The following NECAB2 variants were observed in gnomAD, a reference collection of about 807,000 sequenced individuals.
The protein encoded by NECAB2 is N-terminal EF-hand calcium binding protein 2, also known as N-terminal EF-hand calcium-binding protein 2.
In NECAB2, 68 loss-of-function variants were observed where a neutral mutation model predicts 51.9. The ratio of observed to expected loss-of-function variants is 1.31; its 90% CI spans 1.08 to 1.60. The LOEUF is 1.60. Among genes scored for constraint, NECAB2 ranks in the 40% most tolerant of loss-of-function variants. The pLI is 0.00. For synonymous variants in NECAB2, 329 were observed against 203.5 expected (o/e 1.62, Z -5.25); for missense variants, 854 against 490.3 (o/e 1.74, Z -7.00).
intron 5 of NECAB2, among the ~76,000 whole-genome samples, chr16:83,983,461 C>G (rs942622553): frequency 6.6e-6 from 1 of 152,122 alleles, no homozygotes; most frequent in Non-Finnish European, 1.5e-5. Flanking sequence ...ATATTAATAC[C>G]AGCTCTTATT....
At chr16:83,996,691 GATC>G (rs1465915627) in intron 8 of NECAB2, among the ~76,000 whole-genome samples, 2 of 152,104 alleles carry the variant, frequency 1.3e-5, no homozygotes, top group African/African-American at 4.8e-5. Context: ...AGTGACTGTT[GATC>G]TTCTGTGGGG....
intron 12 of NECAB2, 22 bp from the exon 13 acceptor site, chr16:84,002,296 T>C (rs775930507): frequency 1.9e-6 from 3 of 1,613,526 alleles, no homozygotes; most frequent in African/African-American, 2.7e-5. Context: ...TCCTTCCCTC[T>C]AACGTGTCTC....
intron 1 of NECAB2, among the ~76,000 whole-genome samples, chr16:83,969,293 C>G (rs1219920843): frequency 2.0e-5 from 3 of 152,124 alleles, no homozygotes; most frequent in Non-Finnish European, 4.4e-5. Context: ...CTACCTCTAG[C>G]CCACCTCTCT....
chr16:83,976,700 A>ATGT (rs10641793), intron 2 of NECAB2, among the ~76,000 whole-genome samples: 45,076 of 152,030 alleles, frequency 0.3, 11,808 homozygotes, highest in African/African-American at 0.72. Context: ...CTGAGCTGCG[A>ATGT]TGGGGGCATC....
Position 83,980,073 on chromosome 16 carries a change from G to A in NECAB2, c.336-766G>A, listed in dbSNP as rs115821945. Among the ~76,000 whole-genome samples, 1,151 of 152,318 alleles carry A rather than the reference G, an allele frequency of 7.6e-3. 13 individuals are homozygous for A. The highest frequency in any genetic ancestry group is 0.027 in the African/African-American group (1,120 of 41,572). On this transcript the variant is annotated intron_variant, in intron 3 of 12. Coordinates refer to ENST00000305202, the MANE Select transcript of NECAB2 (RefSeq NM_019065.3). ...GGCCACAGAAGCCTTCTGTCCAGAT[G>A]TGCTTTGCTGAGCCTGGGCTCCACT...
At chr16:84,001,715 G>A (rs34647179) in intron 11 of NECAB2, 110 bp from the exon 12 acceptor site, 117,476 of 1,159,812 alleles carry the variant, frequency 0.1, 14,676 homozygotes, top group African/African-American at 0.6. Flanking sequence ...AAGACCCCCC[G>A]TGCTTATTGA....
intron 2 of NECAB2, among the ~76,000 whole-genome samples, chr16:83,976,674 A>T (rs1444453219): frequency 1.3e-5 from 2 of 149,186 alleles, no homozygotes; most frequent in Admixed American, 1.3e-4. Flanking sequence ...AATTCTTCCC[A>T]CTGTAACCTT....
At chr16:83,996,096 C>A (rs950944963) in intron 8 of NECAB2, among the ~76,000 whole-genome samples, 1 of 152,238 alleles carries the variant, frequency 6.6e-6, no homozygotes, top group African/African-American at 2.4e-5. Flanking sequence ...CGCCCTTCAC[C>A]GGCCAACCGG....
intron 10 of NECAB2, among the ~76,000 whole-genome samples, chr16:83,998,614 C>G (rs975614101): frequency 2.0e-5 from 3 of 152,178 alleles, no homozygotes; most frequent in Non-Finnish European, 2.9e-5. Context: ...GTGTGAATCT[C>G]AAGTGTGAAG....
At chr16:84,001,777 G>A in intron 11 of NECAB2, 48 bp from the exon 12 acceptor site, 1 of 1,598,122 alleles carries the variant, frequency 6.3e-7, no homozygotes, top group Non-Finnish European at 8.6e-7. Context: ...GCCACACGCG[G>A]AGCTCCACTC....
rs148789575 is a variant in NECAB2, at chr16:84,000,734, G to C, written c.973G>C (p.Val325Leu). The change falls in exon 11 of 13, where the codon GTG (valine) becomes CTG (leucine). Residue 325 changes from valine (V) to leucine (L), a missense_variant. Coordinates refer to ENST00000305202, the MANE Select transcript of NECAB2 (RefSeq NM_019065.3). ...CATCTCCTGTTGCAGCATCACTGCC[G>C]TGAGGCTCTCAGATGGCTTCACCTT... ...GVRNCFHITA[V>L]RLSDGFTFVI... The C allele has an allele frequency of 5.6e-6, 9 of 1,613,718 alleles. No homozygotes were observed. In the African/African-American group the frequency reaches 6.7e-5, roughly 12 times the overall value.
chr16:83,996,986 G>A (rs145048574), intron 8 of NECAB2, among the ~76,000 whole-genome samples: 2,405 of 150,712 alleles, frequency 0.016, 28 homozygotes, highest in South Asian at 0.038. Context: ...TCAGGCCTCT[G>A]GAGTCCCCCT....
rs376260533 is a variant in NECAB2, at chr16:83,994,329, C to A, written c.624C>A (p.Ser208Arg). ...LRQNHIKPSH[S>R]AAQTWCGSPT... Reference sequence around the variant, plus strand: ...AGAACCACATCAAACCCAGCCACAGCGCGGCACAGACCTGGTGTGGAAGCC... The same window carrying A: ...AGAACCACATCAAACCCAGCCACAGAGCGGCACAGACCTGGTGTGGAAGCC... Residue 208 changes from serine (S) to arginine (R), a missense_variant, in exon 7 of 13, where the codon AGC becomes AGA. By Grantham distance (110) the Ser-to-Arg change is moderately radical. Coordinates refer to ENST00000305202, the MANE Select transcript of NECAB2 (RefSeq NM_019065.3). The A allele has an allele frequency of 1.9e-6, 3 of 1,614,218 alleles. No homozygotes were observed. The highest frequency in any genetic ancestry group is 1.1e-5 in the South Asian group (1 of 91,090).
intron 3 of NECAB2, 101 bp from the exon 4 acceptor site, chr16:83,980,738 G>A (rs2084476352): frequency 1.2e-5 from 17 of 1,454,512 alleles, no homozygotes; most frequent in East Asian, 2.5e-5. Context: ...CACACAGGCT[G>A]CAAAGAGCAG....
chr16:84,002,248 A>G, intron 12 of NECAB2, 70 bp from the exon 13 acceptor site: 1 of 1,565,810 alleles, frequency 6.4e-7, no homozygotes. Context: ...GTCATTCAAG[A>G]CGACCACCAC....
At chr16:83,978,908 G>A (rs941872818) in intron 3 of NECAB2, among the ~76,000 whole-genome samples, 6 of 152,038 alleles carry the variant, frequency 3.9e-5, no homozygotes, top group Admixed American at 1.3e-4. Context: ...ATGCCTGTGT[G>A]TCCTCCCAGT....
At chr16:83,982,258 C>T (rs13334678) in intron 5 of NECAB2, among the ~76,000 whole-genome samples, 1 of 152,110 alleles carries the variant, frequency 6.6e-6, no homozygotes, top group Non-Finnish European at 1.5e-5. Flanking sequence ...ATATATCTAA[C>T]AATAGTTGGG....
chr16:83,995,918 G>C (rs1317816182), intron 8 of NECAB2, among the ~76,000 whole-genome samples: 1 of 152,230 alleles, frequency 6.6e-6, no homozygotes, highest in Non-Finnish European at 1.5e-5. Context: ...CCTCGGGAGG[G>C]AGACTCTGAA....
chr16:83,974,617 C>T (rs1006322686), intron 2 of NECAB2, among the ~76,000 whole-genome samples: 5 of 152,196 alleles, frequency 3.3e-5, no homozygotes, highest in African/African-American at 1.2e-4. Context: ...CAACCCCCAC[C>T]CTCCTTCCAG....
Sources: allele counts gnomAD v4.1 joint callset (sites outside exome capture counted in the v4.1 genomes callset), GRCh38; gene constraint gnomAD v4.1.1; transcripts MANE v1.5; gene names NCBI Gene and HGNC (gene_info 2026-07-23, HGNC 2026-07-21).